The following SPRY3 variants were observed in gnomAD, a reference collection of about 807,000 sequenced individuals.
SPRY3 encodes protein sprouty homolog 3.
SPRY3 carries 15 observed loss-of-function variants against 20.2 expected under a neutral mutation model. That is an observed-to-expected ratio of 0.74 (90% CI 0.50 to 1.14). The LOEUF is 1.14. Among genes scored for constraint, SPRY3 ranks in the 50% most tolerant of loss-of-function variants. SPRY3 has a pLI of 0.00. For missense variants in SPRY3, 364 were observed against 363.9 expected (o/e 1.00, Z 0.00); for synonymous variants, 143 against 136.5 (o/e 1.05, Z -0.33).
chrX:155,656,063 C>A (rs887954174), intron 1 of SPRY3, among the ~76,000 whole-genome samples: 1 of 111,375 alleles, frequency 9.0e-6, no homozygotes. Context: ...GGGAATCTGA[C>A]AATTATGTGT....
intron 2 of SPRY3, among the ~76,000 whole-genome samples, chrX:155,694,245 T>G (rs2068112035): frequency 8.9e-6 from 1 of 112,507 alleles, no homozygotes. Context: ...AATCTTTTTA[T>G]TATTCAGTTT....
chrX:155,779,070 A>G (rs1465705034), downstream of SPRY3: 2 of 166,996 alleles, frequency 1.2e-5, no homozygotes, highest in Non-Finnish European at 2.9e-5. Context: ...AAACTACTAC[A>G]TCTCCATACA....
intron 2 of SPRY3, among the ~76,000 whole-genome samples, chrX:155,666,298 T>A (rs782083384): frequency 8.9e-6 from 1 of 111,786 alleles, no homozygotes; most frequent in African/African-American, 3.2e-5. Flanking sequence ...TGATAATAAT[T>A]GTGTATATTT....
chrX:155,646,563 G>T (rs1274862687), intron 1 of SPRY3, among the ~76,000 whole-genome samples: 2 of 110,715 alleles, frequency 1.8e-5, no homozygotes, highest in Non-Finnish European at 3.8e-5. Context: ...ATTGTAATGG[G>T]ATTATTTTCT....
chrX:155,656,673 G>C (rs2067993297), intron 1 of SPRY3, among the ~76,000 whole-genome samples: 1 of 111,049 alleles, frequency 9.0e-6, no homozygotes, highest in African/African-American at 3.3e-5. Flanking sequence ...AGGAGAAGAA[G>C]CATTCTGGTT....
chrX:155,674,833 A>G (rs1401327475), intron 2 of SPRY3, among the ~76,000 whole-genome samples: 6 of 111,314 alleles, frequency 5.4e-5, no homozygotes, highest in Admixed American at 4.8e-4. Context: ...CTCTCCATCT[A>G]TGTCCAACTC....
exon 4 of SPRY3, chrX:155,774,982 T>C: frequency 1.7e-6 from 1 of 587,568 alleles, no homozygotes; most frequent in Non-Finnish European, 3.1e-6. Flanking sequence ...ATGGTTGTCA[T>C]GGCAAATTCA....
At chrX:155,632,931 A>G (rs1205974696) in intron 1 of SPRY3, among the ~76,000 whole-genome samples, 1 of 111,323 alleles carries the variant, frequency 9.0e-6, no homozygotes, top group African/African-American at 3.3e-5. Flanking sequence ...CAACACTGAG[A>G]TGAGTGCCCT....
intron 2 of SPRY3, among the ~76,000 whole-genome samples, chrX:155,750,406 C>G (rs1441028893): frequency 6.6e-6 from 1 of 151,798 alleles, no homozygotes; most frequent in South Asian, 2.1e-4. Context: ...CAAACCTGCA[C>G]ATATACCCTC....
chrX:155,683,687 A>G (rs747635049), intron 2 of SPRY3, among the ~76,000 whole-genome samples: 1 of 111,677 alleles, frequency 9.0e-6, no homozygotes, highest in East Asian at 2.8e-4. Flanking sequence ...AGTTGGATAT[A>G]TAGATCTGGC....
At chrX:155,655,530 G>A (rs782230011) in intron 1 of SPRY3, among the ~76,000 whole-genome samples, 2 of 111,484 alleles carry the variant, frequency 1.8e-5, no homozygotes, top group South Asian at 7.5e-4. Flanking sequence ...GTTAATTTTT[G>A]TATATGGTGA....
At chrX:155,641,744 C>G (rs1209868210) in intron 1 of SPRY3, among the ~76,000 whole-genome samples, 2 of 115,071 alleles carry the variant, frequency 1.7e-5, no homozygotes, top group African/African-American at 6.3e-5. Flanking sequence ...GACAGGATCT[C>G]ACAGGATTTT....
rs55701324 is a variant in SPRY3 at position 155,628,947 on chromosome X, A to G, written c.-441+16300A>G. Among the ~76,000 whole-genome samples, 489 of 111,130 alleles carry G rather than the reference A, an allele frequency of 4.4e-3. 2 individuals are homozygous for G. Among genetic ancestry groups the G allele is most frequent in the African/African-American group, 0.015 (465 of 30,558 alleles). On this transcript the variant is annotated intron_variant, in intron 1 of 3. Transcript: ENST00000675360. ...GACCATTTGTATGTCTTTTTTTGAG[A>G]AACACTGATTCAGGTCTTTTGCCCA... is the stretch of plus-strand genomic sequence containing the variant.
chrX:155,644,202 T>C (rs782209037), intron 1 of SPRY3, among the ~76,000 whole-genome samples: 2 of 110,653 alleles, frequency 1.8e-5, no homozygotes, highest in East Asian at 5.7e-4. Flanking sequence ...TCTCTCTTTC[T>C]GTTCTGAGTC....
chrX:155,704,314 C>G (rs931253397), intron 2 of SPRY3, among the ~76,000 whole-genome samples: 13 of 151,584 alleles, frequency 8.6e-5, no homozygotes, highest in African/African-American at 2.9e-4. Context: ...GAGATCAAAA[C>G]TATAATAAAG....
rs767147102 is a variant in SPRY3, at chrX:155,773,379, T to C, written c.-106-387T>C. 2.0e-5 allele frequency among the ~76,000 whole-genome samples: 3 copies of C among 147,556 alleles called. No homozygotes were observed. The East Asian group carries it at 6.1e-4, about 30-fold the overall frequency. On this transcript the variant is annotated intron_variant, in intron 3 of 3. Coordinates refer to ENST00000675360, the Ensembl canonical transcript of SPRY3. ...ATGGGAGACTTTTGAGGCTTTCTCT[T>C]TTCCTTCAGCATTGCTTCAGAAAAT...
At chrX:155,747,595 G>A (rs1270479106) in intron 2 of SPRY3, among the ~76,000 whole-genome samples, 4 of 151,888 alleles carry the variant, frequency 2.6e-5, no homozygotes, top group Non-Finnish European at 5.9e-5. Flanking sequence ...AACCAGAAGT[G>A]CATTCTCCTA....
chrX:155,714,494 T>C (rs1240839490), intron 2 of SPRY3, among the ~76,000 whole-genome samples: 4 of 152,166 alleles, frequency 2.6e-5, no homozygotes, highest in Non-Finnish European at 5.9e-5. Context: ...TCATTCTTTT[T>C]CCTTACTTTC....
intron 1 of SPRY3, among the ~76,000 whole-genome samples, chrX:155,635,006 T>C (rs1224525626): frequency 1.8e-5 from 2 of 109,710 alleles, no homozygotes; most frequent in African/African-American, 6.6e-5. Context: ...TCATCTCCAT[T>C]AGGTATTTCT....
Sources: gnomAD v4.1 joint callset for allele counts (sites outside exome capture counted in the v4.1 genomes callset) on GRCh38, gnomAD v4.1.1 for gene constraint, MANE v1.5 for transcripts, NCBI Gene and HGNC (gene_info 2026-07-23, HGNC 2026-07-21) for gene names.